CDH13: variants seen among roughly 807,000 people sequenced by gnomAD.
CDH13 encodes cadherin-13.
In CDH13, 24 loss-of-function variants were observed where a neutral mutation model predicts 63.8. That is an observed-to-expected ratio of 0.38 (90% CI 0.27 to 0.53). The LOEUF is 0.53. CDH13 is among the 20% of genes least tolerant of loss of function. The probability of loss-of-function intolerance (pLI) is 0.85; values close to 1 mark genes in which losing one functional copy is unlikely to be tolerated. For missense variants in CDH13, 1,049 were observed against 903.1 expected (o/e 1.16, Z -2.07); for synonymous variants, 503 against 355.3 (o/e 1.42, Z -4.67).
chr16:82,993,481 A>G (rs889293044), intron 2 of CDH13, among the ~76,000 whole-genome samples: 1 of 152,200 alleles, frequency 6.6e-6, no homozygotes, highest in African/African-American at 2.4e-5. Context: ...CTAGGAACTG[A>G]TCTTTGACTT....
intron 2 of CDH13, among the ~76,000 whole-genome samples, chr16:82,911,418 C>G (rs891808781): frequency 1.9e-4 from 29 of 152,310 alleles, no homozygotes; most frequent in Non-Finnish European, 1.5e-4. Flanking sequence ...GCCTCTTTGT[C>G]TTTCCCTGTT....
At position 82,975,043 on chromosome 16, in the gene CDH13, C is replaced by T. The variant is rs190436096; in HGVS notation, c.158-56967C>T. Reference sequence around the variant, plus strand: ...CGCACATGAAGTCCTCACGTCTGCACACCCTCGGCATCACTTGGCCCAACT... The same window carrying T: ...CGCACATGAAGTCCTCACGTCTGCATACCCTCGGCATCACTTGGCCCAACT... On this transcript the variant is annotated intron_variant, in intron 2 of 13. Coordinates refer to ENST00000567109, the MANE Select transcript of CDH13 (RefSeq NM_001257.5). 4.5e-3 allele frequency among the ~76,000 whole-genome samples: 680 copies of T among 152,352 alleles called. 8 individuals carry two copies. The highest frequency in any genetic ancestry group is 5.7e-3 in the Non-Finnish European group (391 of 68,038).
intron 9 of CDH13, among the ~76,000 whole-genome samples, chr16:83,674,311 A>G (rs1914768668): frequency 6.6e-6 from 1 of 152,212 alleles, no homozygotes; most frequent in African/African-American, 2.4e-5. Context: ...CCTCTTGGAC[A>G]TAAAGTAGCT....
chr16:83,302,265 T>C (rs2089767028), intron 5 of CDH13, among the ~76,000 whole-genome samples: 1 of 152,230 alleles, frequency 6.6e-6, no homozygotes, highest in South Asian at 2.1e-4. Context: ...CATCCTTTAT[T>C]GGTTACTTTT....
intron 10 of CDH13, among the ~76,000 whole-genome samples, chr16:83,712,981 G>T (rs1908293041): frequency 6.6e-6 from 1 of 152,222 alleles, no homozygotes; most frequent in Non-Finnish European, 1.5e-5. Flanking sequence ...GAAATGTTAA[G>T]GTGGAGAGCT....
At chr16:83,368,403 C>T (rs749453160) in intron 6 of CDH13, among the ~76,000 whole-genome samples, 2 of 152,202 alleles carry the variant, frequency 1.3e-5, no homozygotes, top group Non-Finnish European at 2.9e-5. Context: ...TAGCTCATGA[C>T]TTAGGACGCA....
chr16:82,908,707 G>C (rs995668954), intron 2 of CDH13, among the ~76,000 whole-genome samples: 4 of 152,090 alleles, frequency 2.6e-5, no homozygotes, highest in Non-Finnish European at 4.4e-5. Context: ...CTCGGTATCT[G>C]TGGGGGCCAA....
At chr16:83,121,126 A>G (rs1435936072) in intron 3 of CDH13, among the ~76,000 whole-genome samples, 1 of 151,836 alleles carries the variant, frequency 6.6e-6, no homozygotes, top group Non-Finnish European at 1.5e-5. Context: ...TCGTTTTGTT[A>G]TATTATTCTT....
intron 3 of CDH13, among the ~76,000 whole-genome samples, chr16:83,034,990 A>C (rs778944974): frequency 1.3e-5 from 2 of 152,210 alleles, no homozygotes; most frequent in South Asian, 2.1e-4. Context: ...AGACTTCAGC[A>C]GAATGGGGCA....
At chr16:82,997,657 A>T (rs1912395709) in intron 2 of CDH13, among the ~76,000 whole-genome samples, 1 of 152,160 alleles carries the variant, frequency 6.6e-6, no homozygotes, top group African/African-American at 2.4e-5. Flanking sequence ...CTATAGGTGA[A>T]AATACTGGGC....
At chr16:83,784,059 C>A (rs1167681181) in intron 13 of CDH13, among the ~76,000 whole-genome samples, 1 of 152,132 alleles carries the variant, frequency 6.6e-6, no homozygotes, top group Non-Finnish European at 1.5e-5. Context: ...AAATACATGT[C>A]TCAGATATTC....
chr16:83,782,821 T>G (rs1048291109), intron 12 of CDH13, among the ~76,000 whole-genome samples: 4 of 152,114 alleles, frequency 2.6e-5, no homozygotes, highest in African/African-American at 9.7e-5. Flanking sequence ...CTGCCCACAT[T>G]GAGAGCAGGT....
chr16:82,838,464 T>G (rs997083656), intron 1 of CDH13, among the ~76,000 whole-genome samples: 1 of 152,230 alleles, frequency 6.6e-6, no homozygotes, highest in Non-Finnish European at 1.5e-5. Context: ...CCTTCCTGTT[T>G]ATTGACTTAA....
intron 2 of CDH13, among the ~76,000 whole-genome samples, chr16:82,974,935 A>G (rs1280569754): frequency 1.3e-5 from 2 of 152,204 alleles, no homozygotes; most frequent in African/African-American, 2.4e-5. Flanking sequence ...ATGCCCACAC[A>G]TAAACTACGC....
In CDH13 at chr16:83,778,247, GGGCTGGGC is replaced by G. The variant is rs1915256828; in HGVS notation, c.1682-1720_1682-1713del. ...AATGTTTAAGTGAAATACATTATTA[GGGCTGGGC>G]ACAATGGCTCATGCCTGTAATCCCA... On this transcript the variant is annotated intron_variant, in intron 11 of 13. Transcript: ENST00000567109. Among the ~76,000 whole-genome samples the G allele has an allele frequency of 2.0e-5, 3 of 152,332 alleles. No individual in the cohort carries two copies. In the South Asian group the frequency reaches 6.2e-4, roughly 32 times the overall value.
At chr16:82,836,639 A>G (rs2038779681) in intron 1 of CDH13, among the ~76,000 whole-genome samples, 1 of 152,096 alleles carries the variant, frequency 6.6e-6, no homozygotes, top group Non-Finnish European at 1.5e-5. Context: ...GCGTCTTGGC[A>G]TTTTTTACTG....
rs538318196 is a variant in CDH13, at chr16:82,809,884, T to A, written c.46-48478T>A. Among the ~76,000 whole-genome samples, 10 of 152,220 alleles carry A rather than the reference T, an allele frequency of 6.6e-5. 1 individual carries two copies. The highest frequency in any genetic ancestry group is 2.4e-4 in the African/African-American group (10 of 41,560). On this transcript the variant is annotated intron_variant, in intron 1 of 13. Coordinates refer to ENST00000567109, the MANE Select transcript of CDH13 (RefSeq NM_001257.5). The stretch of plus-strand genomic sequence containing the variant: ...AGAACAATTTACAGCCTTCTCAAGA[T>A]ACATATAAGGTGCCTGTTAAGAAAA...
chr16:83,610,976 A>G (rs571952941), intron 8 of CDH13, among the ~76,000 whole-genome samples: 3 of 152,068 alleles, frequency 2.0e-5, no homozygotes, highest in South Asian at 4.2e-4. Context: ...TTGGTTTGTT[A>G]TTATTTTTAG....
At chr16:82,866,449 C>A (rs2040148447) in intron 2 of CDH13, among the ~76,000 whole-genome samples, 1 of 122,758 alleles carries the variant, frequency 8.1e-6, no homozygotes, top group Admixed American at 1.1e-4. Flanking sequence ...AGTGCAGTGG[C>A]ACGATCTCAG....
Sources: gnomAD v4.1 joint callset for allele counts (sites outside exome capture counted in the v4.1 genomes callset) on GRCh38, gnomAD v4.1.1 for gene constraint, MANE v1.5 for transcripts, NCBI Gene and HGNC (gene_info 2026-07-23, HGNC 2026-07-21) for gene names.